PRKG1: variants seen among roughly 807,000 people sequenced by gnomAD.
PRKG1 encodes the protein protein kinase cGMP-dependent 1.
PRKG1 carries 35 observed loss-of-function variants against 88.1 expected under a neutral mutation model. The ratio of observed to expected loss-of-function variants is 0.40; its 90% CI spans 0.30 to 0.53. The LOEUF (loss-of-function observed/expected upper bound fraction) is 0.53, where lower values mean the gene tolerates loss of function less well. Ranked by LOEUF, PRKG1 falls within the 20% of genes least tolerant of loss-of-function variation. The pLI, the probability that PRKG1 is intolerant of heterozygous loss-of-function variation, is 0.59. For synonymous variants in PRKG1, 303 were observed against 292.5 expected (o/e 1.04, Z -0.37); for missense variants, 540 against 839.8 (o/e 0.64, Z 4.41).
intron 3 of PRKG1, among the ~76,000 whole-genome samples, chr10:51,681,285 A>G (rs1840843393): frequency 6.6e-6 from 1 of 152,312 alleles, no homozygotes; most frequent in South Asian, 2.1e-4. Context: ...ACACAAATAC[A>G]GAATATTAAA....
At chr10:51,139,262 G>C (rs886208100) in intron 1 of PRKG1, among the ~76,000 whole-genome samples, 6 of 152,148 alleles carry the variant, frequency 3.9e-5, no homozygotes, top group Non-Finnish European at 5.9e-5. Context: ...ACAGTGGAGA[G>C]CAGTGTTTAT....
chr10:51,622,025 G>T (rs189178774), intron 3 of PRKG1, among the ~76,000 whole-genome samples: 4 of 152,274 alleles, frequency 2.6e-5, no homozygotes, highest in Admixed American at 6.5e-5. Context: ...CCCTGTATTG[G>T]TTGGATTTGC....
intron 2 of PRKG1, among the ~76,000 whole-genome samples, chr10:51,275,936 A>C (rs965512928): frequency 6.6e-6 from 1 of 152,184 alleles, no homozygotes; most frequent in Non-Finnish European, 1.5e-5. Context: ...AAGAAGAAAA[A>C]AGCCTAAAGC....
At chr10:51,589,741 T>G (rs903116998) in intron 3 of PRKG1, among the ~76,000 whole-genome samples, 3 of 152,214 alleles carry the variant, frequency 2.0e-5, no homozygotes, top group Non-Finnish European at 2.9e-5. Flanking sequence ...AATCCCTTTG[T>G]GTGTTCAAGT....
intron 4 of PRKG1, among the ~76,000 whole-genome samples, chr10:51,873,550 C>T (rs1324261902): frequency 2.9e-5 from 4 of 135,856 alleles, no homozygotes; most frequent in South Asian, 2.3e-4. Context: ...TTTTTTGAGA[C>T]GGAGTCTTGC....
intron 2 of PRKG1, among the ~76,000 whole-genome samples, chr10:51,394,929 T>A (rs893955898): frequency 6.6e-6 from 1 of 152,090 alleles, no homozygotes; most frequent in Non-Finnish European, 1.5e-5. Context: ...GATTCTTAAA[T>A]TTTTTTTCTC....
chr10:51,249,976 G>A (rs1192791816), intron 2 of PRKG1, among the ~76,000 whole-genome samples: 1 of 151,770 alleles, frequency 6.6e-6, no homozygotes, highest in Non-Finnish European at 1.5e-5. Flanking sequence ...ATATCCACAT[G>A]CATTTATGTA....
At chr10:51,867,054 T>A (rs1044192750) in intron 4 of PRKG1, among the ~76,000 whole-genome samples, 1 of 152,178 alleles carries the variant, frequency 6.6e-6, no homozygotes, top group Admixed American at 6.5e-5. Context: ...GGAGACTTCC[T>A]GTAGAAAACC....
intron 1 of PRKG1, among the ~76,000 whole-genome samples, chr10:51,139,839 G>A (rs1391923153): frequency 6.6e-6 from 1 of 152,142 alleles, no homozygotes; most frequent in Non-Finnish European, 1.5e-5. Context: ...TGAAATTCTA[G>A]AGATGTTTTT....
rs1845688841 is a variant in PRKG1, at chr10:52,039,040, G to A, written c.763-15444G>A. On this transcript the variant is annotated intron_variant, in intron 5 of 17. Coordinates refer to ENST00000373980, the MANE Select transcript of PRKG1 (RefSeq NM_006258.4). ...GAGGTCGTAGGTGGATCTTTCTCGT[G>A]GAGCAAAGAACAGGAGGACAGGGGA... 2.0e-5 allele frequency among the ~76,000 whole-genome samples: 3 copies of A among 152,170 alleles called. No individual in the cohort carries two copies. In the South Asian group the frequency reaches 6.2e-4, roughly 31 times the overall value.
chr10:51,864,102 G>A (rs1840955573), intron 4 of PRKG1, among the ~76,000 whole-genome samples: 1 of 152,154 alleles, frequency 6.6e-6, no homozygotes, highest in Non-Finnish European at 1.5e-5. Flanking sequence ...TTGGACACAG[G>A]ACTTCCAGTT....
chr10:51,063,849 T>C (rs1352845201), intron 1 of PRKG1, among the ~76,000 whole-genome samples: 1 of 152,088 alleles, frequency 6.6e-6, no homozygotes, highest in Non-Finnish European at 1.5e-5. Flanking sequence ...ATTTGGACAG[T>C]AGAGGGTGCA....
intron 5 of PRKG1, among the ~76,000 whole-genome samples, chr10:52,026,674 G>T (rs1845346219): frequency 6.6e-6 from 1 of 152,152 alleles, no homozygotes; most frequent in Admixed American, 6.6e-5. Flanking sequence ...AAAATCTTGT[G>T]CATTTAAAAG....
rs577977857 is a variant in PRKG1, at chr10:51,464,991, C to T, written c.479-2732C>T. Among the ~76,000 whole-genome samples, 10 of 151,854 alleles carry T rather than the reference C, an allele frequency of 6.6e-5. No homozygotes were observed. The South Asian group carries it at 2.1e-3, about 32-fold the overall frequency. ...ACTTTGGAGACTTACACAATTCTGGCTGTAATGCCATATGAAAATAGGAAA... is the reference window on the plus strand; with the variant it reads ...ACTTTGGAGACTTACACAATTCTGGTTGTAATGCCATATGAAAATAGGAAA... On this transcript the variant is annotated intron_variant, in intron 2 of 17. Transcript: ENST00000373980.
At chr10:51,642,417 A>T (rs12264341) in intron 3 of PRKG1, among the ~76,000 whole-genome samples, 1,682 of 152,154 alleles carry the variant, frequency 0.011, 32 homozygotes, top group African/African-American at 0.038. Flanking sequence ...TGAATACTTA[A>T]ATACTTATTT....
chr10:51,738,046 G>A (rs187675792), intron 3 of PRKG1, among the ~76,000 whole-genome samples: 193 of 152,064 alleles, frequency 1.3e-3, no homozygotes, highest in African/African-American at 4.0e-3. Context: ...GGGATTACAG[G>A]CATGAGTCAC....
chr10:51,614,524 A>G (rs555239063), intron 3 of PRKG1, among the ~76,000 whole-genome samples: 1 of 151,496 alleles, frequency 6.6e-6, no homozygotes, highest in Admixed American at 6.6e-5. Flanking sequence ...TAATCTATTT[A>G]TATTCAAGGT....
chr10:51,019,077 T>C (rs1414222667), intron 1 of PRKG1, among the ~76,000 whole-genome samples: 1 of 152,168 alleles, frequency 6.6e-6, no homozygotes, highest in East Asian at 1.9e-4. Context: ...ACTCTATAGC[T>C]GGAAGGTTAT....
chr10:51,889,860 T>C (rs1211338520), intron 4 of PRKG1, among the ~76,000 whole-genome samples: 1 of 152,246 alleles, frequency 6.6e-6, no homozygotes, highest in Non-Finnish European at 1.5e-5. Context: ...TGTCTTCTTT[T>C]CAGAAGTGTC....
Sources: gnomAD v4.1 joint callset for allele counts (sites outside exome capture counted in the v4.1 genomes callset) on GRCh38, gnomAD v4.1.1 for gene constraint, MANE v1.5 for transcripts, NCBI Gene and HGNC (gene_info 2026-07-23, HGNC 2026-07-21) for gene names.